RASSF3: variants seen among roughly 807,000 people sequenced by gnomAD.
RASSF3 encodes Ras association domain family member 3.
In RASSF3, 19 loss-of-function variants were observed where a neutral mutation model predicts 19.9. That is an observed-to-expected ratio of 0.96 (90% CI 0.67 to 1.40). The LOEUF (loss-of-function observed/expected upper bound fraction) is 1.40. Ranked by LOEUF, RASSF3 falls within the 40% of genes most tolerant of loss-of-function variation. The pLI, the probability that RASSF3 is intolerant of heterozygous loss-of-function variation, is 0.00. For missense variants in RASSF3, 306 were observed against 289.8 expected, an observed-to-expected ratio of 1.06 and a Z score of -0.41; for synonymous variants, 110 against 104.2, an observed-to-expected ratio of 1.06 and a Z score of -0.34.
intron 1 of RASSF3, among the ~76,000 whole-genome samples, chr12:64,540,945 AT>A (rs536182432): frequency 6.7e-6 from 1 of 150,074 alleles, no homozygotes; most frequent in Non-Finnish European, 1.5e-5. Context: ...AAATTTTTGT[AT>A]TTTTTTTGTA....
chr12:64,675,915 T>G (rs553842922), intron 1 of RASSF3, among the ~76,000 whole-genome samples: 20 of 145,260 alleles, frequency 1.4e-4, no homozygotes, highest in Admixed American at 3.5e-4. Flanking sequence ...TCCTGCCATT[T>G]AAAAAAAAAA....
At chr12:64,516,791 G>A (rs1460118528) in intron 1 of RASSF3, among the ~76,000 whole-genome samples, 1 of 151,906 alleles carries the variant, frequency 6.6e-6, no homozygotes, top group Non-Finnish European at 1.5e-5. Context: ...TCTGAGGTCA[G>A]GAGTGAGAGA....
upstream of RASSF3, among the ~76,000 whole-genome samples, chr12:64,607,061 T>C (rs1870206455): frequency 1.3e-5 from 2 of 151,948 alleles, no homozygotes; most frequent in African/African-American, 4.8e-5. Context: ...GGAGGATCAC[T>C]TGAGCCTAAG....
intron 1 of RASSF3, among the ~76,000 whole-genome samples, chr12:64,629,578 A>C (rs1871103343): frequency 6.6e-6 from 1 of 152,226 alleles, no homozygotes; most frequent in Admixed American, 6.5e-5. Flanking sequence ...GTAATGTGAT[A>C]ATATGAAGAA....
At chr12:64,625,992 A>G (rs1158130445) in intron 1 of RASSF3, among the ~76,000 whole-genome samples, 1 of 151,986 alleles carries the variant, frequency 6.6e-6, no homozygotes, top group African/African-American at 2.4e-5. Flanking sequence ...CTGAGTTTTC[A>G]TATTATCTCT....
chr12:64,669,893 A>C (rs908213477), intron 1 of RASSF3, among the ~76,000 whole-genome samples: 1 of 51,922 alleles, frequency 1.9e-5, no homozygotes, highest in Non-Finnish European at 4.7e-5. Flanking sequence ...AAATTACCAA[A>C]AAAAAAAAAA....
intron 1 of RASSF3, among the ~76,000 whole-genome samples, chr12:64,536,538 A>G (rs931131000): frequency 1.3e-5 from 2 of 152,198 alleles, no homozygotes; most frequent in African/African-American, 4.8e-5. Context: ...ACATAGACAC[A>G]CATAAATAAT....
chr12:64,547,572 AAG>A (rs1263488832), intron 2 of RASSF3, among the ~76,000 whole-genome samples: 5 of 152,138 alleles, frequency 3.3e-5, no homozygotes, highest in Non-Finnish European at 5.9e-5. Flanking sequence ...TCTCAAAAAA[AAG>A]AGAAAGAAAA....
chr12:64,548,581 T>G (rs1165222676), intron 2 of RASSF3, among the ~76,000 whole-genome samples: 1 of 152,196 alleles, frequency 6.6e-6, no homozygotes, highest in East Asian at 1.9e-4. Flanking sequence ...CATTTCTTCT[T>G]GTTTCCTTAA....
chr12:64,615,697 C>T (rs1272428484), intron 1 of RASSF3, among the ~76,000 whole-genome samples: 7 of 148,942 alleles, frequency 4.7e-5, no homozygotes, highest in South Asian at 2.1e-4. Flanking sequence ...TTTTTTGAGA[C>T]GGAGTTTCGC....
chr12:64,675,191 ATAAG>A, intron 1 of RASSF3, among the ~76,000 whole-genome samples: 1 of 152,250 alleles, frequency 6.6e-6, no homozygotes, highest in East Asian at 1.9e-4. Flanking sequence ...TCAATGAAAA[ATAAG>A]AAAAAAGAAA....
intron 1 of RASSF3, among the ~76,000 whole-genome samples, chr12:64,675,045 G>GCGCCCC (rs1872834752): frequency 1.7e-5 from 1 of 57,490 alleles, no homozygotes; most frequent in African/African-American, 7.6e-5. Flanking sequence ...TACCCACCTA[G>GCGCCCC]CCCCCCCCCC....
intron 2 of RASSF3, among the ~76,000 whole-genome samples, chr12:64,553,976 C>CAAAAAAAAAAAAAAAAAAA (rs1021865573): frequency 1.2e-5 from 1 of 83,492 alleles, no homozygotes; most frequent in African/African-American, 3.9e-5. Flanking sequence ...GATCCTGTCT[C>CAAAAAAAAAAAAAAAAAAA]AAAAAAAAAA....
intron 1 of RASSF3, among the ~76,000 whole-genome samples, chr12:64,650,442 T>G (rs987703644): frequency 2.4e-5 from 3 of 123,106 alleles, no homozygotes; most frequent in African/African-American, 3.3e-5. Context: ...TGAGACAGAG[T>G]CTTGCACTGT....
chr12:64,521,168 C>T (rs1256959240), intron 1 of RASSF3, among the ~76,000 whole-genome samples: 1 of 152,198 alleles, frequency 6.6e-6, no homozygotes, highest in Non-Finnish European at 1.5e-5. Flanking sequence ...CTGACCCACC[C>T]AAGCAATGCC....
intron 2 of RASSF3, among the ~76,000 whole-genome samples, chr12:64,592,049 A>G (rs1333898252): frequency 6.6e-6 from 1 of 151,784 alleles, no homozygotes; most frequent in Non-Finnish European, 1.5e-5. Flanking sequence ...CTACAGGCGT[A>G]TGCCACATGC....
chr12:64,519,811 CAT>C (rs1868430687), intron 1 of RASSF3, among the ~76,000 whole-genome samples: 1 of 151,732 alleles, frequency 6.6e-6, no homozygotes, highest in Non-Finnish European at 1.5e-5. Context: ...TTTATAAGCG[CAT>C]ATATGTGTGT....
At chr12:64,675,045 GCCCC>G (rs1226885486) in intron 1 of RASSF3, among the ~76,000 whole-genome samples, 2 of 57,528 alleles carry the variant, frequency 3.5e-5, no homozygotes, top group Non-Finnish European at 6.8e-5. Flanking sequence ...TACCCACCTA[GCCCC>G]CCCCCCCCCC....
chr12:64,646,607 A>G (rs765164866), intron 1 of RASSF3, among the ~76,000 whole-genome samples: 1 of 152,310 alleles, frequency 6.6e-6, no homozygotes, highest in Middle Eastern at 3.4e-3. Flanking sequence ...GTAAGTTAAC[A>G]TTGTCCAAAT....
Sources: gnomAD v4.1 joint callset for allele counts (sites outside exome capture counted in the v4.1 genomes callset) on GRCh38, gnomAD v4.1.1 for gene constraint, MANE v1.5 for transcripts, NCBI Gene and HGNC (gene_info 2026-07-23, HGNC 2026-07-21) for gene names.